The following AGAP1 variants were observed in gnomAD, a reference collection of about 807,000 sequenced individuals.
The protein encoded by AGAP1 is arf-GAP with GTPase, ANK repeat and PH domain-containing protein 1.
A neutral mutation model predicts 105.3 loss-of-function variants in AGAP1; 29 were observed. The observed-to-expected ratio is 0.28, with a 90% CI of 0.21 to 0.38. The LOEUF is 0.38. AGAP1 is among the 10% of genes least tolerant of loss of function. The pLI is 1.00. For synonymous variants in AGAP1, 509 were observed against 485.9 expected (o/e 1.05, Z -0.63); for missense variants, 998 against 1,165.1 (o/e 0.86, Z 2.09).
rs548318229 is a variant in AGAP1, at chr2:235,552,428, A to G, written c.163+57579A>G. ...GCATTGTTGGAGGTCAGGAAGACCA[A>G]CTAAGTCAAGTAGAGCCATTGGCTG... On this transcript the variant is annotated intron_variant, in intron 1 of 17. Coordinates refer to ENST00000304032, the MANE Select transcript of AGAP1 (RefSeq NM_001037131.3). This position sits in a 1 kb window ranked among gnomAD's most constrained non-coding sequence, Gnocchi z 5.9. Among the ~76,000 whole-genome samples the G allele has an allele frequency of 1.3e-5, 2 of 152,340 alleles. No individual in the cohort carries two copies. Among genetic ancestry groups the G allele is most frequent in the South Asian group, 4.1e-4 (2 of 4,822 alleles).
In AGAP1 at chr2:236,042,551, T is replaced by C. The variant is rs1166549204; in HGVS notation, c.1891+1710T>C. ...TTTAAAAGCACGAATCTGAGAAATA[T>C]TAGAACATCCATTAAGGAAAATGCC... On this transcript the variant is annotated intron_variant, in intron 15 of 17. Transcript: ENST00000304032. The surrounding 1 kb of genome is among the most constrained non-coding windows in gnomAD (Gnocchi z 5.6). Among the ~76,000 whole-genome samples the C allele has an allele frequency of 2.0e-5, 3 of 152,214 alleles. No individual in the cohort carries two copies. The highest frequency in any genetic ancestry group is 4.4e-5 in the Non-Finnish European group (3 of 68,038).
At chr2:236,069,612 C>T (rs185111385) in intron 16 of AGAP1, among the ~76,000 whole-genome samples, 436 of 152,190 alleles carry the variant, frequency 2.9e-3, no homozygotes, top group Admixed American at 4.6e-3. Context: ...TTAGTAGAGA[C>T]GGGGTTTCAC....
chr2:235,839,036 G>A (rs1328104871), intron 9 of AGAP1, among the ~76,000 whole-genome samples: 1 of 152,208 alleles, frequency 6.6e-6, no homozygotes, highest in Non-Finnish European at 1.5e-5. Context: ...TTGCTGGTGT[G>A]TTGGTGTTTA....
chr2:235,726,562 CT>C (rs1225874985), intron 3 of AGAP1, among the ~76,000 whole-genome samples: 1 of 152,230 alleles, frequency 6.6e-6, no homozygotes, highest in Non-Finnish European at 1.5e-5. Flanking sequence ...CCATCACACA[CT>C]TTCACCTGTG....
At position 235,624,658 on chromosome 2, in the gene AGAP1, C is replaced by T. The variant is rs577508589; in HGVS notation, c.164-84521C>T. Reference sequence around the variant, plus strand: ...AGGATGGAGGAGATTCTGATTTTGCCAGGGGTCTCAGCTACAGCCCCTCAG... The same window carrying T: ...AGGATGGAGGAGATTCTGATTTTGCTAGGGGTCTCAGCTACAGCCCCTCAG... On this transcript the variant is annotated intron_variant, in intron 1 of 17. Coordinates refer to ENST00000304032, the MANE Select transcript of AGAP1 (RefSeq NM_001037131.3). Among the ~76,000 whole-genome samples the T allele has an allele frequency of 1.6e-4, 24 of 152,150 alleles. No homozygotes were observed. The South Asian group carries it at 5.0e-3, about 32-fold the overall frequency.
chr2:235,604,572 C>CTTTTTTTTTTT (rs1166523228), intron 1 of AGAP1, among the ~76,000 whole-genome samples: 2 of 69,672 alleles, frequency 2.9e-5, no homozygotes, highest in Non-Finnish European at 5.0e-5. Context: ...TTTTTATTAT[C>CTTTTTTTTTTT]TTTTTTTTTT....
chr2:235,721,165 G>A lies in AGAP1; in HGVS notation c.310+3521G>A, dbSNP rs1392587914. On this transcript the variant is annotated intron_variant, in intron 3 of 17. Coordinates refer to ENST00000304032, the MANE Select transcript of AGAP1 (RefSeq NM_001037131.3). The surrounding 1 kb of genome is among the most constrained non-coding windows in gnomAD (Gnocchi z 4.5). ...TGGGATTACAGGCACCCCCCACCGC[G>A]CCCGGATAATTTTTGTATTTTTGGT... is the stretch of plus-strand genomic sequence containing the variant. Among the ~76,000 whole-genome samples, 1 of 151,884 alleles carries A rather than the reference G, an allele frequency of 6.6e-6. No individual in the cohort carries two copies. Among genetic ancestry groups the A allele is most frequent in the Non-Finnish European group, 1.5e-5 (1 of 67,982 alleles).
rs1201714304 is a variant in AGAP1, at chr2:235,615,057, A to G, written c.164-94122A>G. On this transcript the variant is annotated intron_variant, in intron 1 of 17. Coordinates refer to ENST00000304032, the MANE Select transcript of AGAP1 (RefSeq NM_001037131.3). This position sits in a 1 kb window ranked among gnomAD's most constrained non-coding sequence, Gnocchi z 5.0. ...GTGGTTTTTTAAAATTTCTAATAAA[A>G]TGCAAATGATTACAGCCCCTTCCAT... is the stretch of plus-strand genomic sequence containing the variant. Among the ~76,000 whole-genome samples the G allele has an allele frequency of 6.6e-6, 1 of 152,202 alleles. No individual in the cohort carries two copies. The highest frequency in any genetic ancestry group is 1.5e-5 in the Non-Finnish European group (1 of 68,032).
rs535831540 is a variant in AGAP1, at chr2:236,078,199, C to G, written c.2114+28918C>G. ...GTATATGTATGTGTGTGTGTCACAT[C>G]TGAAGTGTGTAGTGCAGGCCGGCGT... On this transcript the variant is annotated intron_variant, in intron 16 of 17. Transcript: ENST00000304032. The surrounding 1 kb of genome is among the most constrained non-coding windows in gnomAD (Gnocchi z 5.3). Among the ~76,000 whole-genome samples, 69 of 151,852 alleles carry G rather than the reference C, an allele frequency of 4.5e-4. 1 individual carries two copies. Among genetic ancestry groups the G allele is most frequent in the Admixed American group, 2.6e-3 (40 of 15,218 alleles).
At chr2:235,947,518 CA>C (rs1251109829) in intron 12 of AGAP1, among the ~76,000 whole-genome samples, 1 of 152,094 alleles carries the variant, frequency 6.6e-6, no homozygotes, top group Non-Finnish European at 1.5e-5. Context: ...TTTGCAATTG[CA>C]AATTATGCTG....
intron 9 of AGAP1, among the ~76,000 whole-genome samples, chr2:235,856,072 C>T (rs533739983): frequency 6.6e-6 from 1 of 152,214 alleles, no homozygotes; most frequent in South Asian, 2.1e-4. Context: ...TACCACCACA[C>T]CTGGCTAATT....
chr2:235,591,301 C>T (rs1403775517), intron 1 of AGAP1, among the ~76,000 whole-genome samples: 1 of 152,218 alleles, frequency 6.6e-6, no homozygotes, highest in East Asian at 1.9e-4. Context: ...CAGGCGTGAG[C>T]CACTGCGCCC....
chr2:235,818,615 G>A (rs933879440), intron 9 of AGAP1, among the ~76,000 whole-genome samples: 1 of 152,042 alleles, frequency 6.6e-6, no homozygotes, highest in African/African-American at 2.4e-5. Flanking sequence ...GCTACGTTTT[G>A]TATTTTTAGT....
rs563328570 is a variant in AGAP1 at position 235,586,327 on chromosome 2, A to T, written c.163+91478A>T. Reference sequence around the variant, plus strand: ...CCTCTGCACGCTCACTCCACGAAGGATGCAGGTGGGCACACTGCTACAACC... The same window carrying T: ...CCTCTGCACGCTCACTCCACGAAGGTTGCAGGTGGGCACACTGCTACAACC... On this transcript the variant is annotated intron_variant, in intron 1 of 17. Coordinates refer to ENST00000304032, the MANE Select transcript of AGAP1 (RefSeq NM_001037131.3). This position sits in a 1 kb window ranked among gnomAD's most constrained non-coding sequence, Gnocchi z 4.2. Among the ~76,000 whole-genome samples, 16 of 152,322 alleles carry T rather than the reference A, an allele frequency of 1.1e-4. 1 individual carries two copies. The highest frequency in any genetic ancestry group is 9.8e-4 in the Admixed American group (15 of 15,302).
intron 6 of AGAP1, among the ~76,000 whole-genome samples, chr2:235,791,834 A>T (rs115949359): frequency 0.02 from 3,064 of 152,330 alleles, 96 homozygotes; most frequent in African/African-American, 0.07. Context: ...GGTGTGAGCC[A>T]GCTCACCCAG....
In AGAP1 at chr2:235,894,584, A is replaced by C. The variant is rs570455185; in HGVS notation, c.1155+11135A>C. On this transcript the variant is annotated intron_variant, in intron 10 of 17. Coordinates refer to ENST00000304032, the MANE Select transcript of AGAP1 (RefSeq NM_001037131.3). ...TGAACACATGCATAGGACCATACAT[A>C]CATCATACACACACACATACACACA... 6.6e-5 allele frequency among the ~76,000 whole-genome samples: 10 copies of C among 152,150 alleles called. No individual in the cohort carries two copies. In the South Asian group the frequency reaches 2.1e-3, roughly 32 times the overall value.
chr2:235,787,004 C>T lies in AGAP1; in HGVS notation c.674-10755C>T, dbSNP rs1171727170. On this transcript the variant is annotated intron_variant, in intron 6 of 17. Coordinates refer to ENST00000304032, the MANE Select transcript of AGAP1 (RefSeq NM_001037131.3). The surrounding 1 kb of genome is among the most constrained non-coding windows in gnomAD (Gnocchi z 4.4). ...CATCAGGCTTCCTTGAGGGAGCTGT[C>T]GCCCCCCAAATCAGGGTCTTGACAC... Among the ~76,000 whole-genome samples, 2 of 152,176 alleles carry T rather than the reference C, an allele frequency of 1.3e-5. No individual in the cohort carries two copies. The highest frequency in any genetic ancestry group is 4.8e-5 in the African/African-American group (2 of 41,438).
Position 235,664,202 on chromosome 2 carries a change from A to G in AGAP1, c.164-44977A>G, listed in dbSNP as rs1277629599. Among the ~76,000 whole-genome samples, 1 of 151,602 alleles carries G rather than the reference A, an allele frequency of 6.6e-6. No individual in the cohort carries two copies. Among genetic ancestry groups the G allele is most frequent in the Non-Finnish European group, 1.5e-5 (1 of 67,922 alleles). ...TGCTTAATAGATTGGATTTTAATAT[A>G]TAGTTTGTTTTTTTGTTTTTTTTTT... On this transcript the variant is annotated intron_variant, in intron 1 of 17. Transcript: ENST00000304032. This position sits in a 1 kb window ranked among gnomAD's most constrained non-coding sequence, Gnocchi z 5.7.
At chr2:235,926,255 GATT>G (rs1274448057) in intron 11 of AGAP1, among the ~76,000 whole-genome samples, 4 of 152,220 alleles carry the variant, frequency 2.6e-5, no homozygotes, top group Non-Finnish European at 5.9e-5. Context: ...GAATGTGCAT[GATT>G]ATTAAAAAGA....
Sources: allele counts gnomAD v4.1 joint callset (sites outside exome capture counted in the v4.1 genomes callset), GRCh38; gene constraint gnomAD v4.1.1; non-coding constraint Gnocchi (gnomAD v3.1); transcripts MANE v1.5; gene names NCBI Gene and HGNC (gene_info 2026-07-23, HGNC 2026-07-21).